TRAM2: variants seen among roughly 807,000 people sequenced by gnomAD.
TRAM2 encodes the protein translocation associated membrane protein 2.
In TRAM2, 12 loss-of-function variants were observed where a neutral mutation model predicts 51.0. The observed-to-expected ratio is 0.24, with a 90% confidence interval of 0.15 to 0.38. The LOEUF (loss-of-function observed/expected upper bound fraction) is 0.38, where lower values mean the gene tolerates loss of function less well. TRAM2 is among the 10% of genes least tolerant of loss of function. The pLI, the probability that TRAM2 is intolerant of heterozygous loss-of-function variation, is 1.00. For synonymous variants in TRAM2, 175 were observed against 179.4 expected, an observed-to-expected ratio of 0.98 and a Z score of 0.20; for missense variants, 361 against 462.0, an observed-to-expected ratio of 0.78 and a Z score of 2.00.
chr6:52,576,737 C>T, intron 1 of TRAM2, 59 bp downstream of exon 1: 5 of 1,582,202 alleles, frequency 3.2e-6, no homozygotes, highest in Admixed American at 1.8e-5. Context: ...CAGGGGTGTG[C>T]CGGGCGGTGC....
At chr6:52,547,756 C>A (rs959455590) in intron 1 of TRAM2, among the ~76,000 whole-genome samples, 3 of 152,220 alleles carry the variant, frequency 2.0e-5, no homozygotes, top group Non-Finnish European at 4.4e-5. Flanking sequence ...TGGAGGGCCA[C>A]GGGAGGCCTC....
intron 1 of TRAM2, among the ~76,000 whole-genome samples, chr6:52,549,938 G>A (rs1767279609): frequency 6.6e-6 from 1 of 152,110 alleles, no homozygotes; most frequent in Admixed American, 6.5e-5. Context: ...AGTATTTCAG[G>A]GACATCAGTT....
intron 1 of TRAM2, 66 bp downstream of exon 1, chr6:52,576,730 G>A (rs893610191): frequency 2.5e-6 from 4 of 1,574,820 alleles, no homozygotes; most frequent in Non-Finnish European, 3.5e-6. Context: ...TGACCTGCAG[G>A]GGTGTGCCGG....
intron 2 of TRAM2, among the ~76,000 whole-genome samples, chr6:52,526,978 T>A (rs1329353003): frequency 2.0e-5 from 3 of 152,234 alleles, no homozygotes; most frequent in Non-Finnish European, 2.9e-5. Context: ...ACAAAAAAAT[T>A]TTTTTTAATT....
chr6:52,529,521 T>G (rs1044313776), intron 2 of TRAM2: 4 of 152,066 alleles, frequency 2.6e-5, no homozygotes, highest in Non-Finnish European at 5.9e-5. Context: ...CGGTGGGGCC[T>G]GAGAGTGTGT....
chr6:52,549,152 C>T (rs1164476442), intron 1 of TRAM2, among the ~76,000 whole-genome samples: 2 of 152,156 alleles, frequency 1.3e-5, no homozygotes, highest in Non-Finnish European at 2.9e-5. Context: ...CAGATCTCAG[C>T]TGTGCCCATT....
intron 1 of TRAM2, among the ~76,000 whole-genome samples, chr6:52,537,658 A>G (rs1766999405): frequency 6.6e-6 from 1 of 151,944 alleles, no homozygotes; most frequent in Non-Finnish European, 1.5e-5. Flanking sequence ...CATAGTTCTC[A>G]TCAGGCTCTC....
At chr6:52,510,114 A>C (rs1356868158) in intron 4 of TRAM2, among the ~76,000 whole-genome samples, 1 of 152,196 alleles carries the variant, frequency 6.6e-6, no homozygotes, top group East Asian at 1.9e-4. Flanking sequence ...CTGAATAAAA[A>C]ACATGGCAGG....
intron 1 of TRAM2, among the ~76,000 whole-genome samples, chr6:52,536,200 G>T (rs528865545): frequency 1.4e-4 from 21 of 152,318 alleles, no homozygotes; most frequent in African/African-American, 4.8e-4. Flanking sequence ...GTGGAAGACA[G>T]AAACTAATAA....
chr6:52,524,214 A>T (rs185123991), intron 2 of TRAM2: 2 of 152,266 alleles, frequency 1.3e-5, no homozygotes, highest in East Asian at 3.9e-4. Flanking sequence ...CTCAAAACAC[A>T]TTTTTAGAAA....
chr6:52,524,739 C>T (rs1766742949), intron 2 of TRAM2: 2 of 152,272 alleles, frequency 1.3e-5, no homozygotes, highest in South Asian at 2.1e-4. Flanking sequence ...GTCTTCTTCT[C>T]TACCTTGTTG....
intron 1 of TRAM2, among the ~76,000 whole-genome samples, chr6:52,564,948 G>T (rs561354443): frequency 2.4e-4 from 37 of 152,118 alleles, no homozygotes; most frequent in Non-Finnish European, 3.4e-4. Flanking sequence ...GAGATGACTT[G>T]GAGTGCAGGG....
intron 1 of TRAM2, among the ~76,000 whole-genome samples, chr6:52,542,001 G>A (rs1214261118): frequency 6.6e-6 from 1 of 152,028 alleles, no homozygotes; most frequent in Non-Finnish European, 1.5e-5. Context: ...TCCCACGACT[G>A]ACAGTGAGGA....
chr6:52,516,440 T>A, intron 3 of TRAM2, 188 bp downstream of exon 3: 2 of 615,376 alleles, frequency 3.3e-6, no homozygotes, highest in Non-Finnish European at 5.8e-6. Flanking sequence ...TGCTGTCCCA[T>A]GTGCTGATTA....
chr6:52,537,481 C>CCA (rs367660865), intron 1 of TRAM2, among the ~76,000 whole-genome samples: 3 of 151,948 alleles, frequency 2.0e-5, no homozygotes, highest in African/African-American at 4.8e-5. Flanking sequence ...ATACCCACCA[C>CCA]CACACACACA....
intron 4 of TRAM2, 47 bp downstream of exon 4, chr6:52,515,959 C>A (rs1439822068): frequency 6.5e-7 from 1 of 1,537,970 alleles, no homozygotes; most frequent in Admixed American, 1.7e-5. Context: ...CTGGAATTGC[C>A]CCTTGGTTTG....
At chr6:52,527,667 C>T (rs1350904467) in intron 2 of TRAM2, among the ~76,000 whole-genome samples, 1 of 152,170 alleles carries the variant, frequency 6.6e-6, no homozygotes, top group Admixed American at 6.5e-5. Context: ...CACAGCCACT[C>T]TGTGGTTCTG....
chr6:52,516,656 T>C lies in TRAM2; in HGVS notation c.266A>G (p.His89Arg). 1.2e-6 allele frequency: 2 copies of C among 1,614,062 alleles called. No homozygotes were observed. The highest frequency in any genetic ancestry group is 1.1e-5 in the South Asian group (1 of 91,084). Residue 89 changes from histidine to arginine, a missense_variant, in exon 3 of 11, where the codon CAT (histidine) becomes CGT (arginine). His to Arg is a conservative substitution (Grantham distance 29). Transcript: ENST00000182527. ...LFYIFITIIL[H>R]AVVQEYILDK... ...TAAAATGTACTCCTGAACCACAGCA[T>C]GCAAGATGATGGTGATGAAGATGTA...
chr6:52,541,266 T>C lies in TRAM2; in HGVS notation c.121-5420A>G, dbSNP rs572340772. Among the ~76,000 whole-genome samples the C allele has an allele frequency of 2.6e-5, 4 of 152,354 alleles. No individual in the cohort carries two copies. The South Asian group carries it at 6.2e-4, about 24-fold the overall frequency. On this transcript the variant is annotated intron_variant, in intron 1 of 10. Transcript: ENST00000182527. Reference sequence around the variant, plus strand: ...ACAGTTAATGTTATCGAGTGCTTATTTGGTGCCATGCATGAGTCCAAGGGC... The same window carrying C: ...ACAGTTAATGTTATCGAGTGCTTATCTGGTGCCATGCATGAGTCCAAGGGC...
Sources: allele counts gnomAD v4.1 joint callset (sites outside exome capture counted in the v4.1 genomes callset), GRCh38; gene constraint gnomAD v4.1.1; transcripts MANE v1.5; gene names NCBI Gene and HGNC (gene_info 2026-07-23, HGNC 2026-07-21).